Variants in CSMD1 observed in about 807,000 individuals in gnomAD.
CSMD1 encodes CUB and sushi domain-containing protein 1.
Under a neutral mutation model 417.5 loss-of-function variants are expected in CSMD1, and 213 were observed. That is an observed-to-expected ratio of 0.51 (90% confidence interval 0.46 to 0.57). The LOEUF is 0.57. Ranked by LOEUF, CSMD1 falls within the 20% of genes least tolerant of loss-of-function variation. The probability of loss-of-function intolerance (pLI) is 0.00; values close to 1 mark genes in which losing one functional copy is unlikely to be tolerated. For synonymous variants in CSMD1, 2,862 were observed against 1,736.8 expected, an observed-to-expected ratio of 1.65 and a Z score of -16.11; for missense variants, 6,923 against 4,529.7, an observed-to-expected ratio of 1.53 and a Z score of -15.17.
At chr8:4,360,634 CT>C (rs11314060) in intron 3 of CSMD1, among the ~76,000 whole-genome samples, 20,274 of 151,952 alleles carry the variant, frequency 0.13, 2,478 homozygotes, top group African/African-American at 0.32. Flanking sequence ...AGACTACAGG[CT>C]GCCCGCCACC....
Position 3,771,064 on chromosome 8 carries a change from T to C in CSMD1, c.819-17022A>G, listed in dbSNP as rs541710391. Among the ~76,000 whole-genome samples the C allele has an allele frequency of 2.3e-4, 35 of 152,170 alleles. 2 individuals carry two copies. In the South Asian group the frequency reaches 5.8e-3, roughly 25 times the overall value. On this transcript the variant is annotated intron_variant, in intron 5 of 69. Transcript: ENST00000635120. ...TGTGTGTGTTTCATTTGCATGTCTG[T>C]GGTGGACAATAGTCTTGGGGGTATT...
intron 9 of CSMD1, 73 bp from the exon 10 acceptor site, chr8:3,575,139 A>G: frequency 6.9e-7 from 1 of 1,453,986 alleles, no homozygotes; most frequent in Non-Finnish European, 9.3e-7. Context: ...CATTTATGGG[A>G]AATTTCAAGT....
chr8:4,873,894 G>A (rs1342087721), intron 1 of CSMD1, among the ~76,000 whole-genome samples: 2 of 151,998 alleles, frequency 1.3e-5, no homozygotes, highest in African/African-American at 4.8e-5. Context: ...TTTAGACAAG[G>A]CAATTAGAAA....
At chr8:3,997,827 A>G in intron 5 of CSMD1, 76 bp downstream of exon 5, 1 of 1,329,478 alleles carries the variant, frequency 7.5e-7, no homozygotes, top group Non-Finnish European at 1.0e-6. Context: ...GAGACAAGCA[A>G]TTCTTGAAGC....
At chr8:4,312,166 A>G (rs962815478) in intron 3 of CSMD1, among the ~76,000 whole-genome samples, 1 of 151,916 alleles carries the variant, frequency 6.6e-6, no homozygotes, top group African/African-American at 2.4e-5. Flanking sequence ...TCCTACGTGC[A>G]TTTAGTCAGA....
At chr8:4,206,463 G>T (rs1347587733) in intron 3 of CSMD1, among the ~76,000 whole-genome samples, 1 of 151,932 alleles carries the variant, frequency 6.6e-6, no homozygotes, top group Non-Finnish European at 1.5e-5. Flanking sequence ...GTGATAGTTT[G>T]CTCAGAATAA....
intron 1 of CSMD1, among the ~76,000 whole-genome samples, chr8:4,905,775 G>A (rs1278834703): frequency 7.7e-5 from 11 of 142,044 alleles, no homozygotes; most frequent in South Asian, 2.3e-4. Context: ...AGCCGAGATT[G>A]TGCCACTGCA....
chr8:3,090,819 C>T (rs931649537), intron 48 of CSMD1, among the ~76,000 whole-genome samples: 2 of 152,042 alleles, frequency 1.3e-5, no homozygotes, highest in African/African-American at 2.4e-5. Context: ...AGTCTGCCTA[C>T]TGCTTCTGTA....
At chr8:4,071,827 G>A (rs180790220) in intron 3 of CSMD1, among the ~76,000 whole-genome samples, 1 of 151,446 alleles carries the variant, frequency 6.6e-6, no homozygotes, top group Admixed American at 6.6e-5. Flanking sequence ...TTCCTGTTGT[G>A]GGGGGGTGGT....
At chr8:3,307,855 C>G (rs762828660) in intron 24 of CSMD1, 34 bp from the exon 25 acceptor site, 14 of 1,600,414 alleles carry the variant, frequency 8.7e-6, no homozygotes, top group Non-Finnish European at 1.2e-5. Flanking sequence ...GAACGTTCAG[C>G]TTCAGGCATC....
At chr8:3,521,321 T>C (rs1439733878) in intron 10 of CSMD1, among the ~76,000 whole-genome samples, 1 of 152,156 alleles carries the variant, frequency 6.6e-6, no homozygotes, top group African/African-American at 2.4e-5. Flanking sequence ...CAAATTCACA[T>C]GTCTTTTCAC....
intron 3 of CSMD1, among the ~76,000 whole-genome samples, chr8:4,205,833 CAT>C (rs943850224): frequency 7.9e-5 from 12 of 152,190 alleles, no homozygotes; most frequent in Non-Finnish European, 1.5e-4. Context: ...CCCCCATTAA[CAT>C]ATGAGTACAA....
intron 3 of CSMD1, among the ~76,000 whole-genome samples, chr8:4,164,781 C>G (rs1373486557): frequency 6.6e-6 from 1 of 151,734 alleles, no homozygotes; most frequent in Non-Finnish European, 1.5e-5. Context: ...GAGGCGGAGG[C>G]AGGAGAATGG....
At chr8:3,365,338 G>C (rs545428894) in intron 20 of CSMD1, among the ~76,000 whole-genome samples, 1 of 152,282 alleles carries the variant, frequency 6.6e-6, no homozygotes, top group Non-Finnish European at 1.5e-5. Flanking sequence ...TAGAATTAGA[G>C]GGAGTATAAA....
chr8:4,127,716 A>T (rs1802850436), intron 3 of CSMD1, among the ~76,000 whole-genome samples: 1 of 152,220 alleles, frequency 6.6e-6, no homozygotes. Flanking sequence ...TAAATTTAAG[A>T]AAGGTATATT....
At chr8:3,229,228 A>G (rs937508446) in intron 27 of CSMD1, among the ~76,000 whole-genome samples, 3 of 152,188 alleles carry the variant, frequency 2.0e-5, no homozygotes, top group African/African-American at 7.2e-5. Context: ...CTCTTCACAC[A>G]TCAATTAAAT....
intron 5 of CSMD1, among the ~76,000 whole-genome samples, chr8:3,786,002 G>T (rs1018637135): frequency 6.6e-6 from 1 of 152,198 alleles, no homozygotes; most frequent in Non-Finnish European, 1.5e-5. Flanking sequence ...CTTAGGCTGG[G>T]CTGGTGGGCA....
At chr8:4,130,667 G>A (rs1803044468) in intron 3 of CSMD1, among the ~76,000 whole-genome samples, 1 of 152,006 alleles carries the variant, frequency 6.6e-6, no homozygotes, top group African/African-American at 2.4e-5. Context: ...ATCATTTTGT[G>A]ATTATAATGT....
At chr8:2,982,838 T>C (rs992186008) in intron 54 of CSMD1, among the ~76,000 whole-genome samples, 1 of 152,186 alleles carries the variant, frequency 6.6e-6, no homozygotes, top group Non-Finnish European at 1.5e-5. Context: ...CATCCCAGGT[T>C]CCTTCTCCAG....
Sources: gnomAD v4.1 joint callset for allele counts (sites outside exome capture counted in the v4.1 genomes callset) on GRCh38, gnomAD v4.1.1 for gene constraint, MANE v1.5 for transcripts, NCBI Gene and HGNC (gene_info 2026-07-23, HGNC 2026-07-21) for gene names.